Variants in OPCML observed in about 807,000 individuals in gnomAD.
OPCML encodes opioid-binding protein/cell adhesion molecule.
A neutral mutation model predicts 37.8 loss-of-function variants in OPCML; 13 were observed. That is an observed-to-expected ratio of 0.34 (90% CI 0.22 to 0.55). OPCML has a LOEUF of 0.55. Among genes scored for constraint, OPCML ranks in the 20% least tolerant of loss-of-function variants. The pLI is 0.91. For missense variants in OPCML, 341 were observed against 435.6 expected, an observed-to-expected ratio of 0.78 and a Z score of 1.93; for synonymous variants, 176 against 168.8, an observed-to-expected ratio of 1.04 and a Z score of -0.33.
chr11:132,835,609 C>CA (rs1565898462), intron 2 of OPCML, among the ~76,000 whole-genome samples: 2 of 152,174 alleles, frequency 1.3e-5, no homozygotes, highest in African/African-American at 4.8e-5. Flanking sequence ...TCTCTACCCC[C>CA]AACTTACAAT....
chr11:132,511,684 A>G (rs1281153441), intron 4 of OPCML, among the ~76,000 whole-genome samples: 2 of 152,122 alleles, frequency 1.3e-5, no homozygotes, highest in Admixed American at 6.5e-5. Flanking sequence ...CTTTTGGATT[A>G]ACTGTAGAGC....
At chr11:132,436,050 G>T (rs1199543770) in intron 7 of OPCML, 36 bp downstream of exon 7, 27 of 1,599,060 alleles carry the variant, frequency 1.7e-5, no homozygotes, top group Non-Finnish European at 2.3e-5. Flanking sequence ...TTCCCCATGT[G>T]GCTGAGCCCA....
chr11:133,179,273 T>C (rs1937708253), intron 1 of OPCML, among the ~76,000 whole-genome samples: 1 of 152,176 alleles, frequency 6.6e-6, no homozygotes, highest in South Asian at 2.1e-4. Flanking sequence ...AAGGAGAAGA[T>C]GGTAGAATAA....
chr11:133,221,071 C>T (rs962059347), intron 1 of OPCML, among the ~76,000 whole-genome samples: 2 of 152,296 alleles, frequency 1.3e-5, no homozygotes, highest in Middle Eastern at 3.4e-3. Context: ...TTTTGTAATG[C>T]TCAGAGGCCT....
chr11:133,525,894 C>T (rs1948480632), intron 1 of OPCML, among the ~76,000 whole-genome samples: 1 of 152,212 alleles, frequency 6.6e-6, no homozygotes, highest in African/African-American at 2.4e-5. Flanking sequence ...TTCATCTTGG[C>T]CTTTCCGGGG....
chr11:133,302,997 A>T (rs142247947), intron 1 of OPCML, among the ~76,000 whole-genome samples: 83 of 152,316 alleles, frequency 5.4e-4, no homozygotes, highest in African/African-American at 1.9e-3. Context: ...TTTTCCATTG[A>T]CTAACACTCT....
intron 2 of OPCML, among the ~76,000 whole-genome samples, chr11:132,685,130 C>T (rs776494385): frequency 1.2e-4 from 19 of 152,150 alleles, no homozygotes; most frequent in Non-Finnish European, 2.2e-4. Context: ...TTGATTTGCT[C>T]TAAAAAGTAC....
At chr11:133,164,799 A>G (rs1950187585) in intron 1 of OPCML, among the ~76,000 whole-genome samples, 1 of 152,210 alleles carries the variant, frequency 6.6e-6, no homozygotes, top group Admixed American at 6.5e-5. Context: ...GGGATTGTAT[A>G]TTTCACCAGG....
chr11:132,585,270 T>C (rs1161801862), intron 3 of OPCML, among the ~76,000 whole-genome samples: 1 of 151,822 alleles, frequency 6.6e-6, no homozygotes. Flanking sequence ...TTTTGCAAGA[T>C]GGGAGCAAGG....
chr11:133,170,622 A>G (rs1230877581), intron 1 of OPCML, among the ~76,000 whole-genome samples: 1 of 152,150 alleles, frequency 6.6e-6, no homozygotes, highest in African/African-American at 2.4e-5. Context: ...CAAGGCAATC[A>G]GCTAAACTTG....
chr11:133,280,556 A>T (rs945758881), intron 1 of OPCML, among the ~76,000 whole-genome samples: 1 of 152,212 alleles, frequency 6.6e-6, no homozygotes, highest in African/African-American at 2.4e-5. Context: ...GCATATCTCC[A>T]GAGCAACACC....
intron 2 of OPCML, among the ~76,000 whole-genome samples, chr11:132,721,845 A>G (rs767754896): frequency 6.6e-6 from 1 of 152,006 alleles, no homozygotes; most frequent in Non-Finnish European, 1.5e-5. Flanking sequence ...AGAGAGAAAG[A>G]TCAGTGACTA....
At chr11:132,748,110 C>A (rs1166980891) in intron 2 of OPCML, among the ~76,000 whole-genome samples, 2 of 150,660 alleles carry the variant, frequency 1.3e-5, no homozygotes, top group African/African-American at 2.5e-5. Context: ...CAAAAGTGAG[C>A]CTGAGATTAT....
intron 1 of OPCML, among the ~76,000 whole-genome samples, chr11:133,165,793 G>A (rs534133409): frequency 3.3e-5 from 5 of 152,180 alleles, no homozygotes; most frequent in South Asian, 4.2e-4. Context: ...CTCACTTCAC[G>A]TGTTTTCTCC....
intron 1 of OPCML, among the ~76,000 whole-genome samples, chr11:133,317,866 T>C (rs1020682971): frequency 6.6e-6 from 1 of 152,248 alleles, no homozygotes; most frequent in Non-Finnish European, 1.5e-5. Context: ...TGTAAGCTCA[T>C]GGTGATAGAC....
intron 3 of OPCML, among the ~76,000 whole-genome samples, chr11:132,631,352 CATATATATAT>C (rs61450463): frequency 1.2e-4 from 17 of 142,708 alleles, no homozygotes; most frequent in Non-Finnish European, 1.1e-4. Context: ...ACCATATATA[CATATATATAT>C]ATATATATAT....
chr11:133,194,384 A>G (rs1366344413), intron 1 of OPCML, among the ~76,000 whole-genome samples: 3 of 151,708 alleles, frequency 2.0e-5, no homozygotes, highest in Non-Finnish European at 2.9e-5. Context: ...CTAATTTTGT[A>G]TTTTTAGAAG....
At chr11:133,308,194 T>C (rs547693026) in intron 1 of OPCML, among the ~76,000 whole-genome samples, 1 of 152,192 alleles carries the variant, frequency 6.6e-6, no homozygotes, top group South Asian at 2.1e-4. Context: ...TGAACAAAAA[T>C]CACCAGCAAT....
chr11:133,465,712 C>T (rs969045375), intron 1 of OPCML, among the ~76,000 whole-genome samples: 2 of 152,250 alleles, frequency 1.3e-5, no homozygotes, highest in Middle Eastern at 3.4e-3. Flanking sequence ...TTCCTCCACT[C>T]GTTAGCTGAA....
Sources: gnomAD v4.1 joint callset for allele counts (sites outside exome capture counted in the v4.1 genomes callset) on GRCh38, gnomAD v4.1.1 for gene constraint, MANE v1.5 for transcripts, NCBI Gene and HGNC (gene_info 2026-07-23, HGNC 2026-07-21) for gene names.